FBXL17: variants seen among roughly 807,000 people sequenced by gnomAD.
FBXL17 encodes F-box/LRR-repeat protein 17.
In FBXL17, 22 loss-of-function variants were observed where a neutral mutation model predicts 66.2. That is an observed-to-expected ratio of 0.33 (90% CI 0.24 to 0.47). The LOEUF is 0.47. FBXL17 is among the 20% of genes least tolerant of loss of function. FBXL17 has a pLI of 1.00. For missense variants in FBXL17, 878 were observed against 948.2 expected, an observed-to-expected ratio of 0.93 and a Z score of 0.97; for synonymous variants, 474 against 400.5, an observed-to-expected ratio of 1.18 and a Z score of -2.19.
intron 6 of FBXL17, among the ~76,000 whole-genome samples, chr5:108,079,618 T>A (rs1748688395): frequency 6.6e-6 from 1 of 152,200 alleles, no homozygotes; most frequent in Admixed American, 6.5e-5. Context: ...ATCCCATTAT[T>A]AACCTCTGCT....
intron 6 of FBXL17, among the ~76,000 whole-genome samples, chr5:108,166,491 A>C (rs956436153): frequency 2.1e-5 from 3 of 141,592 alleles, no homozygotes; most frequent in African/African-American, 9.5e-5. Flanking sequence ...AACTGATAAT[A>C]AATAACCTGA....
chr5:108,357,803 C>T (rs998315389), intron 3 of FBXL17, among the ~76,000 whole-genome samples: 8 of 151,654 alleles, frequency 5.3e-5, no homozygotes, highest in Non-Finnish European at 1.0e-4. Flanking sequence ...ACATGAATGA[C>T]ACGTTTCTTA....
At chr5:108,209,963 CTA>C (rs1754295534) in intron 5 of FBXL17, among the ~76,000 whole-genome samples, 1 of 152,092 alleles carries the variant, frequency 6.6e-6, no homozygotes, top group African/African-American at 2.4e-5. Context: ...GGTTGGCAGA[CTA>C]TTAATTACTG....
intron 8 of FBXL17, among the ~76,000 whole-genome samples, chr5:107,874,400 T>C (rs919214556): frequency 6.6e-6 from 1 of 152,232 alleles, no homozygotes; most frequent in Non-Finnish European, 1.5e-5. Context: ...TGAGTGCTTA[T>C]AGTGTGCCTG....
chr5:108,017,774 T>A (rs1259376934), intron 7 of FBXL17, among the ~76,000 whole-genome samples: 1 of 152,210 alleles, frequency 6.6e-6, no homozygotes, highest in Non-Finnish European at 1.5e-5. Flanking sequence ...CTGTATTTTC[T>A]ATTTAGCTGT....
chr5:108,031,119 G>A (rs904309637), intron 6 of FBXL17, among the ~76,000 whole-genome samples: 4 of 152,022 alleles, frequency 2.6e-5, no homozygotes, highest in African/African-American at 9.7e-5. Flanking sequence ...GCAAGTTAGC[G>A]AATGTGGATA....
intron 4 of FBXL17, among the ~76,000 whole-genome samples, chr5:108,239,846 C>T (rs956383369): frequency 4.6e-5 from 7 of 151,906 alleles, no homozygotes; most frequent in Non-Finnish European, 1.0e-4. Flanking sequence ...AGGACTTTGT[C>T]TTGCAATTTG....
At chr5:108,164,416 C>T (rs982353632) in intron 6 of FBXL17, among the ~76,000 whole-genome samples, 13 of 152,152 alleles carry the variant, frequency 8.5e-5, no homozygotes, top group African/African-American at 3.1e-4. Context: ...GTCCAAGCCT[C>T]TTCTTAGGCT....
At chr5:108,232,113 CTTCTT>C (rs2150086750) in intron 4 of FBXL17, among the ~76,000 whole-genome samples, 1 of 152,310 alleles carries the variant, frequency 6.6e-6, no homozygotes, top group South Asian at 2.1e-4. Flanking sequence ...GTATTTCCTC[CTTCTT>C]TTGTTAAAAA....
At chr5:108,236,290 T>C (rs140996167) in intron 4 of FBXL17, among the ~76,000 whole-genome samples, 2,285 of 149,634 alleles carry the variant, frequency 0.015, 25 homozygotes, top group Non-Finnish European at 0.023. Flanking sequence ...GGCAGGAGGA[T>C]CATTTGAGGT....
At chr5:107,888,050 A>T (rs1311703876) in intron 7 of FBXL17, among the ~76,000 whole-genome samples, 1 of 152,180 alleles carries the variant, frequency 6.6e-6, no homozygotes, top group Non-Finnish European at 1.5e-5. Context: ...TGTCCTTTCC[A>T]TCCATTTTTA....
At chr5:108,329,826 A>G (rs1760035162) in intron 4 of FBXL17, among the ~76,000 whole-genome samples, 1 of 152,108 alleles carries the variant, frequency 6.6e-6, no homozygotes, top group African/African-American at 2.4e-5. Context: ...AGTATACAAT[A>G]TATGAGAGGT....
chr5:108,025,421 C>A (rs1372705835), intron 6 of FBXL17, among the ~76,000 whole-genome samples: 6 of 151,912 alleles, frequency 3.9e-5, no homozygotes, highest in African/African-American at 1.5e-4. Flanking sequence ...AAAAACAACC[C>A]CACAGATCTA....
At chr5:108,210,010 G>GA (rs1372274796) in intron 5 of FBXL17, among the ~76,000 whole-genome samples, 3 of 152,114 alleles carry the variant, frequency 2.0e-5, no homozygotes, top group Non-Finnish European at 2.9e-5. Flanking sequence ...GTTTATTCAG[G>GA]AATTCAATTT....
chr5:108,306,773 T>C (rs1385824350), intron 4 of FBXL17, among the ~76,000 whole-genome samples: 1 of 151,992 alleles, frequency 6.6e-6, no homozygotes. Context: ...TGGGTACAAT[T>C]TGCAGGTCTT....
chr5:108,023,177 A>T (rs1754662959), intron 6 of FBXL17, among the ~76,000 whole-genome samples: 1 of 152,180 alleles, frequency 6.6e-6, no homozygotes, highest in Non-Finnish European at 1.5e-5. Context: ...TACCTTGATC[A>T]CAGCCAGTGT....
At chr5:108,086,128 G>C (rs1190305290) in intron 6 of FBXL17, among the ~76,000 whole-genome samples, 1 of 152,068 alleles carries the variant, frequency 6.6e-6, no homozygotes, top group Non-Finnish European at 1.5e-5. Flanking sequence ...AGAGGTCACA[G>C]TCTCCCTTCT....
At chr5:108,232,345 T>C (rs1755382277) in intron 4 of FBXL17, among the ~76,000 whole-genome samples, 1 of 152,076 alleles carries the variant, frequency 6.6e-6, no homozygotes, top group African/African-American at 2.4e-5. Flanking sequence ...TTGTCTTTAT[T>C]TGAATATTAT....
intron 7 of FBXL17, among the ~76,000 whole-genome samples, chr5:107,985,778 T>C (rs1752991014): frequency 6.6e-6 from 1 of 152,212 alleles, no homozygotes; most frequent in Admixed American, 6.6e-5. Flanking sequence ...AATGGTCAAC[T>C]ATTTATAAAT....
Sources: gnomAD v4.1 joint callset for allele counts (sites outside exome capture counted in the v4.1 genomes callset) on GRCh38, gnomAD v4.1.1 for gene constraint, MANE v1.5 for transcripts, NCBI Gene and HGNC (gene_info 2026-07-23, HGNC 2026-07-21) for gene names.